Variants in SAMD12 observed in about 807,000 individuals in gnomAD.
The protein encoded by SAMD12 is sterile alpha motif domain containing 12, also known as sterile alpha motif domain-containing protein 12.
In SAMD12, 9 loss-of-function variants were observed where a neutral mutation model predicts 15.0. That is an observed-to-expected ratio of 0.60 (90% CI 0.36 to 1.05). SAMD12 has a LOEUF of 1.05. Among genes scored for constraint, SAMD12 ranks in the 50% least tolerant of loss-of-function variants. The pLI, the probability that SAMD12 is intolerant of heterozygous loss-of-function variation, is 0.01. For missense variants in SAMD12, 230 were observed against 234.2 expected (o/e 0.98, Z 0.12); for synonymous variants, 86 against 90.1 (o/e 0.96, Z 0.25).
chr8:118,254,148 C>T (rs774887952), intron 4 of SAMD12, among the ~76,000 whole-genome samples: 14 of 152,082 alleles, frequency 9.2e-5, no homozygotes, highest in Non-Finnish European at 7.4e-5. Flanking sequence ...AGATGAAAGA[C>T]GTAGAGGAGG....
At chr8:118,294,778 C>T (rs549943669) in intron 4 of SAMD12, among the ~76,000 whole-genome samples, 29 of 152,260 alleles carry the variant, frequency 1.9e-4, no homozygotes, top group African/African-American at 4.6e-4. Context: ...AGTGATACTT[C>T]GTACATCCTT....
intron 2 of SAMD12, among the ~76,000 whole-genome samples, chr8:118,487,005 G>A (rs1216819500): frequency 6.6e-6 from 1 of 152,192 alleles, no homozygotes; most frequent in African/African-American, 2.4e-5. Context: ...GCCCATGCTG[G>A]TGTTTTCCAA....
At chr8:118,163,365 C>A in the SAMD12 span, among the ~76,000 whole-genome samples, 1 of 152,114 alleles carries the variant, frequency 6.6e-6, no homozygotes, top group Non-Finnish European at 1.5e-5. Flanking sequence ...CAGGTGTGAG[C>A]CTGCAACTGG....
intron 2 of SAMD12, among the ~76,000 whole-genome samples, chr8:118,486,663 A>G (rs1056176246): frequency 1.3e-5 from 2 of 152,070 alleles, no homozygotes; most frequent in African/African-American, 2.4e-5. Context: ...ACACAGAACT[A>G]TAATATAAGA....
intron 1 of SAMD12, among the ~76,000 whole-genome samples, chr8:118,617,200 G>C (rs1473357485): frequency 3.3e-5 from 5 of 152,226 alleles, no homozygotes; most frequent in African/African-American, 1.2e-4. Context: ...TTTACTCTCT[G>C]TGATGCAGTT....
At chr8:118,179,646 T>C in the SAMD12 span, among the ~76,000 whole-genome samples, 1 of 152,118 alleles carries the variant, frequency 6.6e-6, no homozygotes, top group Non-Finnish European at 1.5e-5. Context: ...CTTTTAAAGG[T>C]GAAGTCATTA....
intron 1 of SAMD12, among the ~76,000 whole-genome samples, chr8:118,611,308 A>G (rs1828105625): frequency 6.6e-6 from 1 of 152,196 alleles, no homozygotes; most frequent in South Asian, 2.1e-4. Flanking sequence ...AAGGCTTAGA[A>G]AGCAGAAAAA....
At chr8:118,281,470 G>A (rs991315408) in intron 4 of SAMD12, among the ~76,000 whole-genome samples, 3 of 152,174 alleles carry the variant, frequency 2.0e-5, no homozygotes, top group Non-Finnish European at 2.9e-5. Flanking sequence ...TCCAGAACAG[G>A]TATACAATCA....
chr8:118,488,598 T>G (rs979040677), intron 2 of SAMD12, among the ~76,000 whole-genome samples: 2 of 152,332 alleles, frequency 1.3e-5, no homozygotes, highest in African/African-American at 4.8e-5. Context: ...TTTTGCCTTC[T>G]GTTGAATCTT....
At chr8:118,234,645 AG>A (rs1377229832) in intron 4 of SAMD12, among the ~76,000 whole-genome samples, 2 of 138,454 alleles carry the variant, frequency 1.4e-5, no homozygotes, top group African/African-American at 2.7e-5. Flanking sequence ...CAGGAGACAG[AG>A]GTTGCCGTGA....
At chr8:118,616,967 C>T (rs1828254557) in intron 1 of SAMD12, among the ~76,000 whole-genome samples, 2 of 152,166 alleles carry the variant, frequency 1.3e-5, no homozygotes, top group Non-Finnish European at 2.9e-5. Context: ...ACAGTTTCAT[C>T]CCAAAACCAT....
intron 2 of SAMD12, among the ~76,000 whole-genome samples, chr8:118,447,036 T>C (rs1037739951): frequency 2.0e-5 from 3 of 152,214 alleles, no homozygotes; most frequent in African/African-American, 4.8e-5. Flanking sequence ...TTTCATATCA[T>C]AGAAACTCTA....
intron 4 of SAMD12, among the ~76,000 whole-genome samples, chr8:118,345,780 C>T (rs1454666406): frequency 1.3e-5 from 2 of 152,174 alleles, no homozygotes; most frequent in African/African-American, 4.8e-5. Context: ...GTAGGTTAGT[C>T]TAGGCATACA....
At chr8:118,219,898 G>A (rs996667392) in intron 4 of SAMD12, among the ~76,000 whole-genome samples, 2 of 152,230 alleles carry the variant, frequency 1.3e-5, no homozygotes, top group Admixed American at 1.3e-4. Flanking sequence ...TCAACATTGT[G>A]AGATATAATA....
chr8:118,393,719 C>T (rs923286604), intron 3 of SAMD12, among the ~76,000 whole-genome samples: 1 of 152,100 alleles, frequency 6.6e-6, no homozygotes, highest in African/African-American at 2.4e-5. Context: ...CTGCCTCAGC[C>T]TTCCAAGTAG....
intron 2 of SAMD12, among the ~76,000 whole-genome samples, chr8:118,566,120 T>A (rs1258376482): frequency 6.6e-6 from 1 of 152,188 alleles, no homozygotes; most frequent in Non-Finnish European, 1.5e-5. Context: ...AGGTGTAAAA[T>A]TCAGATGAAA....
chr8:118,367,728 T>C (rs1158210708), intron 4 of SAMD12, among the ~76,000 whole-genome samples: 20 of 152,184 alleles, frequency 1.3e-4, no homozygotes, highest in Admixed American at 1.2e-3. Flanking sequence ...ACTTAAAACA[T>C]TGAGCTGTGA....
chr8:118,496,866 C>T (rs1030290327), intron 2 of SAMD12, among the ~76,000 whole-genome samples: 6 of 147,834 alleles, frequency 4.1e-5, no homozygotes, highest in African/African-American at 1.5e-4. Context: ...AGCAAATTTA[C>T]AAGCCAAAAA....
At chr8:118,435,813 A>C (rs1248469032) in intron 3 of SAMD12, among the ~76,000 whole-genome samples, 1 of 152,240 alleles carries the variant, frequency 6.6e-6, no homozygotes, top group African/African-American at 2.4e-5. Flanking sequence ...CGCATCTTTA[A>C]GATTTTAATT....
Sources: allele counts gnomAD v4.1 joint callset (sites outside exome capture counted in the v4.1 genomes callset), GRCh38; gene constraint gnomAD v4.1.1; transcripts MANE v1.5; gene names NCBI Gene and HGNC (gene_info 2026-07-23, HGNC 2026-07-21).